Variants in FTCDNL1 observed in about 807,000 individuals in gnomAD.
FTCDNL1 encodes formiminotransferase N-terminal subdomain-containing protein.
Under a neutral mutation model 5.9 loss-of-function variants are expected in FTCDNL1, and 11 were observed. That is an observed-to-expected ratio of 1.87 (90% CI 1.18 to 3.10). FTCDNL1 has a LOEUF of 3.10. FTCDNL1 is among the 30% of genes most tolerant of loss of function. The pLI, the probability that FTCDNL1 is intolerant of heterozygous loss-of-function variation, is 0.00. For synonymous variants in FTCDNL1, 58 were observed against 24.8 expected (o/e 2.34, Z -3.99); for missense variants, 115 against 65.5 (o/e 1.76, Z -2.61).
chr2:199,802,385 A>G (rs1373589765), intron 3 of FTCDNL1, among the ~76,000 whole-genome samples: 4 of 152,204 alleles, frequency 2.6e-5, no homozygotes, highest in Non-Finnish European at 2.9e-5. Flanking sequence ...AGCAAAACAA[A>G]CAACATCAAT....
At chr2:199,689,726 G>A in the FTCDNL1 span, among the ~76,000 whole-genome samples, 11 of 149,748 alleles carry the variant, frequency 7.3e-5, no homozygotes, top group Non-Finnish European at 1.0e-4. Flanking sequence ...CAGGAGAATC[G>A]CTTAAACCCA....
At chr2:199,672,838 C>A in the FTCDNL1 span, among the ~76,000 whole-genome samples, 1 of 152,054 alleles carries the variant, frequency 6.6e-6, no homozygotes, top group Non-Finnish European at 1.5e-5. Context: ...CTGCTCCTAA[C>A]CCAGCCTCAG....
At chr2:199,801,193 TC>T (rs879452410) in intron 3 of FTCDNL1, among the ~76,000 whole-genome samples, 1 of 152,172 alleles carries the variant, frequency 6.6e-6, no homozygotes, top group Non-Finnish European at 1.5e-5. Context: ...TGGGAGCCGT[TC>T]CTGCACTGGA....
the FTCDNL1 span, among the ~76,000 whole-genome samples, chr2:199,753,236 A>C: frequency 2.0e-5 from 3 of 152,228 alleles, no homozygotes; most frequent in African/African-American, 4.8e-5. Flanking sequence ...ACCTCCAAAA[A>C]GCCAACATTT....
chr2:199,717,536 T>TTTTTTTTTTTTTTTTTTTTTTA, the FTCDNL1 span, among the ~76,000 whole-genome samples: 1 of 96,376 alleles, frequency 1.0e-5, no homozygotes, highest in Admixed American at 1.1e-4. Context: ...TTTTTTTTTT[T>TTTTTTTTTTTTTTTTTTTTTTA]GCTTCCTCAC....
At chr2:199,769,134 G>C (rs550471908) in intron 3 of FTCDNL1, among the ~76,000 whole-genome samples, 1 of 152,206 alleles carries the variant, frequency 6.6e-6, no homozygotes, top group East Asian at 1.9e-4. Context: ...CACATCTCCT[G>C]CTCTGCTGAG....
chr2:199,684,783 T>C, the FTCDNL1 span, among the ~76,000 whole-genome samples: 3 of 152,318 alleles, frequency 2.0e-5, no homozygotes, highest in East Asian at 5.8e-4. Context: ...CAAGGAGCAT[T>C]TCACTTTTAA....
At chr2:199,824,033 T>C (rs1003848096) in intron 3 of FTCDNL1, among the ~76,000 whole-genome samples, 5 of 152,200 alleles carry the variant, frequency 3.3e-5, no homozygotes, top group Non-Finnish European at 7.3e-5. Context: ...CAGGCTGGTC[T>C]CAAACTCCTG....
At chr2:199,806,790 C>T (rs1700747436), downstream of FTCDNL1, among the ~76,000 whole-genome samples, 1 of 152,168 alleles carries the variant, frequency 6.6e-6, no homozygotes. Context: ...ACCTTATCAC[C>T]TCATAGCCTA....
chr2:199,773,598 G>A (rs893511694), intron 3 of FTCDNL1, among the ~76,000 whole-genome samples: 2 of 152,164 alleles, frequency 1.3e-5, no homozygotes, highest in Admixed American at 1.3e-4. Flanking sequence ...CTGAGAAGTG[G>A]CTCATGTCCA....
At chr2:199,676,851 G>T in the FTCDNL1 span, among the ~76,000 whole-genome samples, 14 of 152,134 alleles carry the variant, frequency 9.2e-5, no homozygotes, top group African/African-American at 2.9e-4. Context: ...AATAATGATT[G>T]TTGCAACTCC....
chr2:199,791,930 A>C (rs1699948672), intron 3 of FTCDNL1, among the ~76,000 whole-genome samples: 1 of 152,132 alleles, frequency 6.6e-6, no homozygotes, highest in African/African-American at 2.4e-5. Context: ...CCTTTTATAA[A>C]TTATTTACAT....
intron 3 of FTCDNL1, among the ~76,000 whole-genome samples, chr2:199,832,638 C>T (rs1027881497): frequency 6.6e-6 from 1 of 152,060 alleles, no homozygotes; most frequent in Non-Finnish European, 1.5e-5. Flanking sequence ...TCAGAAGGTA[C>T]CTTATTTGGA....
intron 3 of FTCDNL1, among the ~76,000 whole-genome samples, chr2:199,802,638 G>A (rs1386185534): frequency 6.6e-6 from 1 of 152,152 alleles, no homozygotes; most frequent in Non-Finnish European, 1.5e-5. Flanking sequence ...TCCTATGGCT[G>A]ACTTGGCTAT....
the FTCDNL1 span, among the ~76,000 whole-genome samples, chr2:199,726,098 T>C: frequency 6.6e-6 from 1 of 152,218 alleles, no homozygotes; most frequent in African/African-American, 2.4e-5. Context: ...TTATTCATTG[T>C]TGTCTAATTT....
At chr2:199,824,873 C>T (rs1232200394) in intron 3 of FTCDNL1, among the ~76,000 whole-genome samples, 2 of 152,176 alleles carry the variant, frequency 1.3e-5, no homozygotes, top group South Asian at 2.1e-4. Context: ...CATGATGGCT[C>T]ATGCCTGTAA....
chr2:199,682,421 G>C, the FTCDNL1 span, among the ~76,000 whole-genome samples: 1 of 152,122 alleles, frequency 6.6e-6, no homozygotes, highest in African/African-American at 2.4e-5. Context: ...CATCCTACCA[G>C]TTTTGTTTCT....
At chr2:199,750,447 T>C in the FTCDNL1 span, among the ~76,000 whole-genome samples, 2 of 152,246 alleles carry the variant, frequency 1.3e-5, no homozygotes, top group Non-Finnish European at 2.9e-5. Context: ...AATTTATTCC[T>C]AATATCCAAC....
intron 3 of FTCDNL1, among the ~76,000 whole-genome samples, chr2:199,836,701 G>A (rs1438125443): frequency 6.6e-6 from 1 of 152,126 alleles, no homozygotes; most frequent in African/African-American, 2.4e-5. Context: ...GGAAGGTCAA[G>A]GCTACAGTGA....
Sources: allele counts gnomAD v4.1 joint callset (sites outside exome capture counted in the v4.1 genomes callset), GRCh38; gene constraint gnomAD v4.1.1; transcripts MANE v1.5; gene names NCBI Gene and HGNC (gene_info 2026-07-23, HGNC 2026-07-21).